The following CEP164 variants were observed in gnomAD, a reference collection of about 807,000 sequenced individuals.
CEP164 encodes centrosomal protein of 164 kDa.
CEP164 carries 162 observed loss-of-function variants against 182.7 expected under a neutral mutation model. The ratio of observed to expected loss-of-function variants is 0.89; its 90% CI spans 0.78 to 1.01. The LOEUF is 1.01. Among genes scored for constraint, CEP164 ranks in the 50% least tolerant of loss-of-function variants. The probability of loss-of-function intolerance (pLI) is 0.00; values close to 1 mark genes in which losing one functional copy is unlikely to be tolerated. For synonymous variants in CEP164, 661 were observed against 690.0 expected (o/e 0.96, Z 0.66); for missense variants, 1,735 against 1,790.4 (o/e 0.97, Z 0.56).
At position 117,396,009 on chromosome 11, in the gene CEP164, A is replaced by G. The variant is rs780613046; in HGVS notation, c.3090-45A>G. The G allele has an allele frequency of 3.1e-6, 5 of 1,611,920 alleles. No homozygotes were observed. In the African/African-American group the frequency reaches 6.7e-5, roughly 22 times the overall value. On this transcript the variant is annotated intron_variant, in intron 24 of 32. Coordinates refer to ENST00000278935, the MANE Select transcript of CEP164 (RefSeq NM_014956.5). The stretch of plus-strand genomic sequence containing the variant: ...CTGACCCACTTCACCCCTCCCCCCC[A>G]TCGCCAGCCGCTGCCCTGCCTCTCA...
At chr11:117,349,204 G>A (rs2039323022) in intron 4 of CEP164, among the ~76,000 whole-genome samples, 1 of 152,036 alleles carries the variant, frequency 6.6e-6, no homozygotes, top group Admixed American at 6.6e-5. Context: ...TGTATTTTTA[G>A]TAGAGACGAG....
intron 30 of CEP164, 140 bp downstream of exon 30, chr11:117,410,105 T>A: frequency 1.2e-6 from 1 of 829,030 alleles, no homozygotes; most frequent in Non-Finnish European, 2.0e-6. Flanking sequence ...TCCCCCAACG[T>A]TACCATAGTC....
rs533042440 is a variant in CEP164 at position 117,402,591 on chromosome 11, C to T, written c.3501+5278C>T. On this transcript the variant is annotated intron_variant, in intron 27 of 32. Coordinates refer to ENST00000278935, the MANE Select transcript of CEP164 (RefSeq NM_014956.5). ...CTGAGAGACTGTTTGTTATGATTTC[C>T]GTTCTTTTGCATTTACTGAAGAGTG... 2.3e-3 allele frequency among the ~76,000 whole-genome samples: 351 copies of T among 152,246 alleles called. 1 individual carries two copies. Among genetic ancestry groups the T allele is most frequent in the Middle Eastern group, 6.8e-3 (2 of 294 alleles).
chr11:117,409,234 C>A lies in CEP164; in HGVS notation c.3748+206C>A. 1.5e-6 allele frequency: 1 copy of A among 667,928 alleles called. No individual in the cohort carries two copies. Among genetic ancestry groups the A allele is most frequent in the Non-Finnish European group, 2.5e-6 (1 of 396,992 alleles). 41.4% of individuals were successfully genotyped at this position (667,928 alleles called of 1,614,324 possible). A position where few individuals can be genotyped will look rare whatever the true frequency, so the allele number is the denominator to read the frequency against. ...GGGGCTGAAAGGTCAGGGAAGCCCT[C>A]TGAATGCTGCAGAGCACTCTACGGT... On this transcript the variant is annotated intron_variant, in intron 29 of 32. Transcript: ENST00000278935. The surrounding 1 kb of genome is among the most constrained non-coding windows in gnomAD (Gnocchi z 4.4).
At chr11:117,336,231 G>A in intron 2 of CEP164, 2 of 1,593,736 alleles carry the variant, frequency 1.3e-6, no homozygotes, top group South Asian at 2.2e-5. Context: ...AAGAGGAGGA[G>A]AAAGAGGAGG....
At chr11:117,386,755 A>G in intron 14 of CEP164, 1 of 172,300 alleles carries the variant, frequency 5.8e-6, no homozygotes, top group Non-Finnish European at 1.3e-5. Context: ...GGAGGCAGAA[A>G]GCAATCTCTG....
intron 8 of CEP164, among the ~76,000 whole-genome samples, chr11:117,364,263 T>G (rs2041366423): frequency 1.3e-5 from 2 of 152,230 alleles, no homozygotes; most frequent in African/African-American, 4.8e-5. Context: ...TTTTCACAAG[T>G]CTAATATATC....
intron 4 of CEP164, among the ~76,000 whole-genome samples, chr11:117,345,462 AT>A (rs1296659570): frequency 6.6e-6 from 1 of 152,070 alleles, no homozygotes; most frequent in African/African-American, 2.4e-5. Flanking sequence ...CCTACCTTAG[AT>A]TGGTATTTCC....
Position 117,394,641 on chromosome 11 carries a change from C to T in CEP164, c.2760+148C>T. 1 of 1,160,880 alleles carries T rather than the reference C, an allele frequency of 8.6e-7. No homozygotes were observed. The highest frequency in any genetic ancestry group is 1.2e-6 in the Non-Finnish European group (1 of 833,146). The allele number at this position is 1,160,880 out of a possible 1,614,324, so 71.9% of individuals were successfully genotyped here. On this transcript the variant is annotated intron_variant, in intron 21 of 32. Coordinates refer to ENST00000278935, the MANE Select transcript of CEP164 (RefSeq NM_014956.5). This position sits in a 1 kb window ranked among gnomAD's most constrained non-coding sequence, Gnocchi z 4.0. Reference sequence around the variant, plus strand: ...ACTGGCCATCTCCAAGCTGGGGCATCCTTGTTACTTTGTTTTCTGGGCCAG... The same window carrying T: ...ACTGGCCATCTCCAAGCTGGGGCATTCTTGTTACTTTGTTTTCTGGGCCAG...
upstream of CEP164, among the ~76,000 whole-genome samples, chr11:117,324,233 G>T (rs2035350535): frequency 6.6e-6 from 1 of 152,046 alleles, no homozygotes; most frequent in South Asian, 2.1e-4. Flanking sequence ...GATCACCTGA[G>T]GTCAGGAGTT....
Position 117,395,640 on chromosome 11 carries a change from G to A in CEP164, c.3007G>A (p.Glu1003Lys). Residue 1003 changes from glutamate (E) to lysine (K), a missense_variant, in exon 24 of 33, where the codon GAG becomes AAG. By Grantham distance (56) the Glu-to-Lys change is moderately conservative (BLOSUM62 1). Coordinates refer to ENST00000278935, the MANE Select transcript of CEP164 (RefSeq NM_014956.5). ...CCAGCAGCTCCGAGAAATTCTTGAT[G>A]AGCTGCAGGCCCGCAAGCTGAAGCT... The part of the protein sequence containing the change: ...SNQQLREILD[E>K]LQARKLKLES... The A allele has an allele frequency of 6.2e-7, 1 of 1,613,896 alleles. No homozygotes were observed. The highest frequency in any genetic ancestry group is 8.5e-7 in the Non-Finnish European group (1 of 1,180,036).
chr11:117,336,403 T>G (rs1277480296), intron 2 of CEP164: 288 of 1,401,332 alleles, frequency 2.1e-4, no homozygotes, highest in Non-Finnish European at 2.6e-4. Flanking sequence ...TGGAGGAAGG[T>G]GGGGACCCGA....
intron 27 of CEP164, among the ~76,000 whole-genome samples, chr11:117,400,309 T>TA (rs2045982664): frequency 6.6e-6 from 1 of 152,230 alleles, no homozygotes; most frequent in East Asian, 1.9e-4. Flanking sequence ...TGTGTGGCGC[T>TA]ATTTCTGAGG....
intron 3 of CEP164, among the ~76,000 whole-genome samples, chr11:117,340,275 G>T (rs2037904081): frequency 2.0e-5 from 3 of 152,202 alleles, no homozygotes; most frequent in Admixed American, 6.5e-5. Flanking sequence ...CCCCGTCTTG[G>T]CCTCCCAGAG....
chr11:117,349,256 C>T (rs1048057935), intron 4 of CEP164, among the ~76,000 whole-genome samples: 1 of 152,176 alleles, frequency 6.6e-6, no homozygotes, highest in African/African-American at 2.4e-5. Flanking sequence ...CTCCCGACCT[C>T]TGCCTCCCAA....
chr11:117,354,822 T>C (rs1488952627), intron 5 of CEP164: 1 of 466,880 alleles, frequency 2.1e-6, no homozygotes, highest in East Asian at 7.7e-5. Context: ...AGTTTTAGGG[T>C]TTAAATAGAG....
At chr11:117,393,847 AATGGGTGGGT>A (rs756682748) in intron 20 of CEP164, among the ~76,000 whole-genome samples, 1 of 152,172 alleles carries the variant, frequency 6.6e-6, no homozygotes, top group African/African-American at 2.4e-5. Flanking sequence ...GAGGGTGAAC[AATGGGTGGGT>A]AGAGGGTGGC....
At position 117,409,586 on chromosome 11, in the gene CEP164, T is replaced by A. The variant is rs2047092611; in HGVS notation, c.3749-32T>A. ...AATGGTCCAGGGTCCTGAGCTTGAG[T>A]CCCTTCCCACCATCCACCTCTTTTC... On this transcript the variant is annotated intron_variant, in intron 29 of 32. Transcript: ENST00000278935. The surrounding 1 kb of genome is among the most constrained non-coding windows in gnomAD (Gnocchi z 4.4). 2 of 1,568,938 alleles carry A rather than the reference T, an allele frequency of 1.3e-6. No individual in the cohort carries two copies. Among genetic ancestry groups the A allele is most frequent in the Non-Finnish European group, 1.7e-6 (2 of 1,151,994 alleles).
At chr11:117,362,355 C>T (rs371138026) in intron 6 of CEP164, 49 bp from the exon 7 acceptor site, 34 of 1,585,938 alleles carry the variant, frequency 2.1e-5, no homozygotes, top group Middle Eastern at 1.8e-4. Context: ...AAAGGTCATT[C>T]CAAAGGTCTT....
Sources: allele counts gnomAD v4.1 joint callset (sites outside exome capture counted in the v4.1 genomes callset), GRCh38; gene constraint gnomAD v4.1.1; non-coding constraint Gnocchi (gnomAD v3.1); transcripts MANE v1.5; gene names NCBI Gene and HGNC (gene_info 2026-07-23, HGNC 2026-07-21).